Variants in SLC16A1 observed in about 807,000 individuals in gnomAD.
The protein encoded by SLC16A1 is monocarboxylate transporter 1.
Under a neutral mutation model 32.2 loss-of-function variants are expected in SLC16A1, and 11 were observed. That is an observed-to-expected ratio of 0.34 (90% CI 0.21 to 0.56). SLC16A1 has a LOEUF of 0.56. Ranked by LOEUF, SLC16A1 falls within the 20% of genes least tolerant of loss-of-function variation. SLC16A1 has a pLI of 0.87. For missense variants in SLC16A1, 435 were observed against 615.0 expected (o/e 0.71, Z 3.10); for synonymous variants, 231 against 226.8 (o/e 1.02, Z -0.17).
At chr1:112,929,061 A>T in intron 2 of SLC16A1, 31 bp downstream of exon 2, 1 of 1,540,952 alleles carries the variant, frequency 6.5e-7, no homozygotes, top group South Asian at 1.1e-5. Context: ...CTTCATGAAA[A>T]TTAAAAGAGC....
At chr1:112,931,441 T>A (rs1649124919) in intron 1 of SLC16A1, among the ~76,000 whole-genome samples, 1 of 151,712 alleles carries the variant, frequency 6.6e-6, no homozygotes, top group African/African-American at 2.4e-5. Flanking sequence ...AGATCAGGAG[T>A]TCGAGACCAA....
rs1019129712 is a variant in SLC16A1 at position 112,944,996 on chromosome 1, T to C, written c.-45+11039A>G. 1.3e-4 allele frequency among the ~76,000 whole-genome samples: 3 copies of C among 23,314 alleles called. No homozygotes were observed. In the East Asian group the frequency reaches 4.4e-3, roughly 34 times the overall value. The allele number at this position is 23,314 out of a possible 152,430, so 15.3% of individuals were successfully genotyped here. A position where few individuals can be genotyped will look rare whatever the true frequency, so the allele number is the denominator to read the frequency against. On this transcript the variant is annotated intron_variant, in intron 1 of 4. Coordinates refer to ENST00000369626, the MANE Select transcript of SLC16A1 (RefSeq NM_003051.4). ...GCCTGAGCCACTGCACCCAGCCTCT[T>C]TTTTTTTTTTTTTTTTGTTTGAGAC...
chr1:112,943,644 C>T (rs892848269), intron 1 of SLC16A1, among the ~76,000 whole-genome samples: 4 of 151,644 alleles, frequency 2.6e-5, no homozygotes, highest in African/African-American at 9.7e-5. Context: ...AAAAATTAGC[C>T]GGGCATGGTG....
rs753981488 is a variant in SLC16A1 at position 112,917,644 on chromosome 1, G to A, written c.762C>T (p.Asp254=). 5 of 1,614,236 alleles carry A rather than the reference G, an allele frequency of 3.1e-6. No homozygotes were observed. In the South Asian group the frequency reaches 5.5e-5, roughly 18 times the overall value. Residue 254 remains aspartate, a synonymous_variant, in exon 4 of 5, where the codon GAC becomes GAT. Coordinates refer to ENST00000369626, the MANE Select transcript of SLC16A1 (RefSeq NM_003051.4). This position sits in a 1 kb window ranked among gnomAD's most constrained non-coding sequence, Gnocchi z 4.1. ...SVFQTINQFL[D]LTLFTHRGFL... Reference sequence around the variant, plus strand: ...AGCCTCTGTGGGTGAATAGGGTTAAGTCCAGGAACTGATTAATTGTTTGGA... The same window carrying A: ...AGCCTCTGTGGGTGAATAGGGTTAAATCCAGGAACTGATTAATTGTTTGGA...
chr1:112,923,365 A>G (rs1056496720), intron 2 of SLC16A1: 70 of 554,610 alleles, frequency 1.3e-4, no homozygotes, highest in African/African-American at 1.3e-3. Context: ...CAGGGAGCTG[A>G]TGCTTCCAAC....
At chr1:112,936,092 T>C (rs905526403) in intron 1 of SLC16A1, 12 of 152,194 alleles carry the variant, frequency 7.9e-5, no homozygotes, top group Admixed American at 3.9e-4. Context: ...CAGTCCTCAT[T>C]TTCAAACCAA....
chr1:112,952,416 C>T (rs1649928759), intron 1 of SLC16A1, among the ~76,000 whole-genome samples: 1 of 152,152 alleles, frequency 6.6e-6, no homozygotes. Flanking sequence ...GTTTAAGAGA[C>T]ATCCCAAACA....
At position 112,917,298 on chromosome 1, in the gene SLC16A1, G is replaced by T; in HGVS notation, c.1108C>A (p.Leu370Ile). ...AATGTTTCAAACAATACGGAGCTGA[G>T]CCACCCGAAGGCAAATCCAAAGAAT... ...AGFFGFAFGW[L>I]SSVLFETLMD... The change falls in exon 4 of 5, where the codon CTC (leucine) becomes ATC (isoleucine). Residue 370 changes from leucine to isoleucine, a missense_variant. Physicochemically the swap from Leu to Ile is conservative, Grantham distance 5 (BLOSUM62 2). Transcript: ENST00000369626. This position sits in a 1 kb window ranked among gnomAD's most constrained non-coding sequence, Gnocchi z 4.1. 6.2e-7 allele frequency: 1 copy of T among 1,614,206 alleles called. No individual in the cohort carries two copies. The highest frequency in any genetic ancestry group is 1.3e-5 in the African/African-American group (1 of 75,046).
intron 1 of SLC16A1, among the ~76,000 whole-genome samples, chr1:112,954,648 C>A (rs1333920390): frequency 1.3e-5 from 2 of 152,184 alleles, no homozygotes; most frequent in African/African-American, 4.8e-5. Flanking sequence ...ATCTATTCAG[C>A]TATAAAAATC....
intron 2 of SLC16A1, among the ~76,000 whole-genome samples, chr1:112,927,778 T>A (rs976996294): frequency 6.6e-6 from 1 of 152,214 alleles, no homozygotes; most frequent in African/African-American, 2.4e-5. Context: ...CTAATAAAAC[T>A]GACATCACTT....
At position 112,917,064 on chromosome 1, in the gene SLC16A1, TGAGA is replaced by T. The variant is rs1468226639; in HGVS notation, c.1228+110_1228+113del. ...TGTCCCAGCATCAAGGGTACATAAATGAGAAAGATTTATTCTTACCCAAATAGCT... is the reference window on the plus strand; with the variant it reads ...TGTCCCAGCATCAAGGGTACATAAATAAGATTTATTCTTACCCAAATAGCT... On this transcript the variant is annotated intron_variant, in intron 4 of 4. Coordinates refer to ENST00000369626, the MANE Select transcript of SLC16A1 (RefSeq NM_003051.4). The surrounding 1 kb of genome is among the most constrained non-coding windows in gnomAD (Gnocchi z 4.1). 1 of 1,319,450 alleles carries T rather than the reference TGAGA, an allele frequency of 7.6e-7. No homozygotes were observed. The highest frequency in any genetic ancestry group is 1.5e-5 in the African/African-American group (1 of 68,900). The allele number at this position is 1,319,450 out of a possible 1,614,324, so 81.7% of individuals were successfully genotyped here. A position where few individuals can be genotyped will look rare whatever the true frequency, so the allele number is the denominator to read the frequency against.
Position 112,917,452 on chromosome 1 carries a change from A to G in SLC16A1, c.954T>C (p.Leu318=). 6 of 1,614,222 alleles carry G rather than the reference A, an allele frequency of 3.7e-6. No individual in the cohort carries two copies. Among genetic ancestry groups the G allele is most frequent in the South Asian group, 2.2e-5 (2 of 91,072 alleles). ...GTCTTATTGGCTTTGTGTTGGCTACAAGTCCCATAGATGGTCGGGCTACCA... is the reference window on the plus strand; with the variant it reads ...GTCTTATTGGCTTTGTGTTGGCTACGAGTCCCATAGATGGTCGGGCTACCA... ...VDMVARPSMG[L]VANTKPIRPR... is the part of the protein sequence containing the mutation. Residue 318 remains leucine, a synonymous_variant, in exon 4 of 5, where the codon CTT becomes CTC. Transcript: ENST00000369626. The surrounding 1 kb of genome is among the most constrained non-coding windows in gnomAD (Gnocchi z 4.1).
chr1:112,951,947 T>TG (rs1649911710), intron 1 of SLC16A1, among the ~76,000 whole-genome samples: 3 of 152,314 alleles, frequency 2.0e-5, no homozygotes, highest in African/African-American at 7.2e-5. Context: ...TATTTCCACT[T>TG]GCAAACCACT....
At chr1:112,939,251 GA>G (rs1649420816) in intron 1 of SLC16A1, among the ~76,000 whole-genome samples, 1 of 152,132 alleles carries the variant, frequency 6.6e-6, no homozygotes, top group Non-Finnish European at 1.5e-5. Context: ...AGGATGTGGA[GA>G]AAAGGAAACC....
At chr1:112,953,316 C>T (rs1403272396) in intron 1 of SLC16A1, among the ~76,000 whole-genome samples, 1 of 152,110 alleles carries the variant, frequency 6.6e-6, no homozygotes, top group Non-Finnish European at 1.5e-5. Context: ...AGCATGCCAC[C>T]ATGCCTGGCT....
chr1:112,924,210 G>A lies in SLC16A1; in HGVS notation c.218-2077C>T, dbSNP rs968062324. ...TGCCCACGGGGACGCAGTCATCCTG[G>A]GCATGTCCAGCTTGGAGCAGTTGGA... On this transcript the variant is annotated intron_variant, in intron 2 of 4. Transcript: ENST00000369626. 15 of 1,516,648 alleles carry A rather than the reference G, an allele frequency of 9.9e-6. No individual in the cohort carries two copies. The Admixed American group carries it at 1.5e-4, about 15-fold the overall frequency. The allele number at this position is 1,516,648 out of a possible 1,614,324, so 93.9% of individuals were successfully genotyped here.
rs1247696659 is a variant in SLC16A1 at position 112,912,931 on chromosome 1, T to A, written c.*960A>T. 6.6e-6 allele frequency: 1 copy of A among 151,846 alleles called. No individual in the cohort carries two copies. Among genetic ancestry groups the A allele is most frequent in the African/African-American group, 2.4e-5 (1 of 41,428 alleles). 9.4% of individuals were successfully genotyped at this position (151,846 alleles called of 1,614,324 possible). On this transcript the variant is annotated 3_prime_UTR_variant, in exon 5 of 5. Coordinates refer to ENST00000369626, the MANE Select transcript of SLC16A1 (RefSeq NM_003051.4). ...GGGGAAAAATTCCAGGAAAAAAAAATTCCAATAGCTTCACAGTTTAACTGA... is the reference window on the plus strand; with the variant it reads ...GGGGAAAAATTCCAGGAAAAAAAAAATCCAATAGCTTCACAGTTTAACTGA...
At chr1:112,919,983 G>GTGTA (rs1648664342) in intron 3 of SLC16A1, among the ~76,000 whole-genome samples, 1 of 152,124 alleles carries the variant, frequency 6.6e-6, no homozygotes, top group Non-Finnish European at 1.5e-5. Flanking sequence ...CTATTAAAGA[G>GTGTA]TGTAACTGCC....
In SLC16A1 at chr1:112,913,969, A is replaced by G. The variant is rs537543500; in HGVS notation, c.1425T>C (p.Asn475=). The part of the protein sequence containing the change: ...ETSIDVAGKP[N]EVTKAAESPD... ...GAGATTCTGCTGCTTTGGTAACTTC[A>G]TTTGGCTTCCCAGCAACATCTATAC... The change falls in exon 5 of 5, where the codon AAT becomes AAC. Residue 475 remains asparagine (N), a synonymous_variant. Transcript: ENST00000369626. 4 of 1,614,060 alleles carry G rather than the reference A, an allele frequency of 2.5e-6. No individual in the cohort carries two copies. In the Admixed American group the frequency reaches 5.0e-5, roughly 20 times the overall value.
Sources: gnomAD v4.1 joint callset for allele counts (sites outside exome capture counted in the v4.1 genomes callset) on GRCh38, gnomAD v4.1.1 for gene constraint, Gnocchi (gnomAD v3.1) non-coding constraint, MANE v1.5 for transcripts, NCBI Gene and HGNC (gene_info 2026-07-23, HGNC 2026-07-21) for gene names.